KCNN3: variants seen among roughly 807,000 people sequenced by gnomAD.
KCNN3 encodes potassium calcium-activated channel subfamily N member 3, also known as small conductance calcium-activated potassium channel protein 3.
KCNN3 carries 16 observed loss-of-function variants against 62.9 expected under a neutral mutation model. The observed-to-expected ratio is 0.25, with a 90% CI of 0.17 to 0.39. The LOEUF is 0.39. Among genes scored for constraint, KCNN3 ranks in the 10% least tolerant of loss-of-function variants. The pLI is 1.00. For missense variants in KCNN3, 599 were observed against 949.4 expected (o/e 0.63, Z 4.85); for synonymous variants, 370 against 389.2 (o/e 0.95, Z 0.58).
intron 3 of KCNN3, among the ~76,000 whole-genome samples, chr1:154,767,085 C>T (rs1302815896): frequency 1.3e-5 from 2 of 152,056 alleles, no homozygotes; most frequent in East Asian, 3.9e-4. Flanking sequence ...CTTCCTGCTG[C>T]TGGCAAGTGC....
chr1:154,734,425 T>C (rs549249853), intron 3 of KCNN3, among the ~76,000 whole-genome samples: 19 of 152,298 alleles, frequency 1.2e-4, no homozygotes, highest in South Asian at 6.2e-4. Context: ...TCAGTTACCA[T>C]TGGGGCTTCC....
chr1:154,738,537 G>C (rs1055728812), intron 3 of KCNN3, among the ~76,000 whole-genome samples: 3 of 152,172 alleles, frequency 2.0e-5, no homozygotes, highest in African/African-American at 7.2e-5. Context: ...AAACCAAGGA[G>C]GAAGACAAGG....
chr1:154,753,383 A>G (rs10908433), intron 3 of KCNN3, among the ~76,000 whole-genome samples: 128,112 of 152,148 alleles, frequency 0.84, 54,233 homozygotes, highest in East Asian at 1. Flanking sequence ...TAGAACACCA[A>G]TCACAATTCC....
chr1:154,708,325 G>A, intron 7 of KCNN3, 53 bp from the exon 8 acceptor site: 1 of 1,576,536 alleles, frequency 6.3e-7, no homozygotes, highest in Non-Finnish European at 8.7e-7. Context: ...CATCACAGAG[G>A]AATCTGCAAT....
chr1:154,710,279 C>A (rs769425003), intron 7 of KCNN3, among the ~76,000 whole-genome samples: 2 of 152,138 alleles, frequency 1.3e-5, no homozygotes, highest in Admixed American at 6.5e-5. Context: ...GAGAACACAG[C>A]GTTATTGTCT....
chr1:154,757,010 C>T (rs796762485), intron 3 of KCNN3, among the ~76,000 whole-genome samples: 15 of 152,278 alleles, frequency 9.9e-5, no homozygotes, highest in African/African-American at 3.6e-4. Flanking sequence ...ACTTGGGATG[C>T]ATGGATGCAT....
At chr1:154,734,905 G>A (rs1700678428) in intron 3 of KCNN3, among the ~76,000 whole-genome samples, 1 of 152,196 alleles carries the variant, frequency 6.6e-6, no homozygotes, top group South Asian at 2.1e-4. Context: ...CAACATCAGA[G>A]AGGCAAAAGC....
chr1:154,868,934 C>G, intron 1 of KCNN3, 98 bp downstream of exon 1: 2 of 1,052,602 alleles, frequency 1.9e-6, no homozygotes, highest in Non-Finnish European at 2.8e-6. Flanking sequence ...CTCTCTCTCT[C>G]TCAATCTCTC....
chr1:154,752,850 C>T (rs1367003570), intron 3 of KCNN3, among the ~76,000 whole-genome samples: 1 of 152,100 alleles, frequency 6.6e-6, no homozygotes, highest in Non-Finnish European at 1.5e-5. Flanking sequence ...ACAAAGCATT[C>T]CTATGAGGAC....
At chr1:154,796,628 A>G (rs1649744211) in intron 2 of KCNN3, among the ~76,000 whole-genome samples, 1 of 152,244 alleles carries the variant, frequency 6.6e-6, no homozygotes, top group African/African-American at 2.4e-5. Flanking sequence ...GAGACAAGTC[A>G]TGATTCAACC....
chr1:154,809,664 A>C lies in KCNN3; in HGVS notation c.1029+12425T>G, dbSNP rs1458837401. On this transcript the variant is annotated intron_variant, in intron 2 of 7. Coordinates refer to ENST00000271915, the MANE Select transcript of KCNN3 (RefSeq NM_002249.6). This position sits in a 1 kb window ranked among gnomAD's most constrained non-coding sequence, Gnocchi z 4.3. Reference sequence around the variant, plus strand: ...TACATGTTGCTGAGTGAGATGCTAAAAGGCCTGGACAGACTAGAATGAAGG... The same window carrying C: ...TACATGTTGCTGAGTGAGATGCTAACAGGCCTGGACAGACTAGAATGAAGG... 6.6e-6 allele frequency among the ~76,000 whole-genome samples: 1 copy of C among 152,204 alleles called. No individual in the cohort carries two copies. Among genetic ancestry groups the C allele is most frequent in the Middle Eastern group, 3.2e-3 (1 of 314 alleles).
At chr1:154,719,812 T>C (rs1700309434) in intron 5 of KCNN3, among the ~76,000 whole-genome samples, 1 of 152,084 alleles carries the variant, frequency 6.6e-6, no homozygotes. Flanking sequence ...TTGCACCTCC[T>C]CTTTTTCCTC....
At chr1:154,853,385 G>A (rs1408139562) in intron 1 of KCNN3, among the ~76,000 whole-genome samples, 1 of 152,022 alleles carries the variant, frequency 6.6e-6, no homozygotes, top group Non-Finnish European at 1.5e-5. Flanking sequence ...CCCCAGGCTG[G>A]AGTGCAGTGG....
chr1:154,839,933 G>A (rs1651758979), intron 1 of KCNN3, among the ~76,000 whole-genome samples: 1 of 152,234 alleles, frequency 6.6e-6, no homozygotes. Context: ...GGGCAGAGAG[G>A]CCTGCAGAGC....
chr1:154,864,973 C>T (rs143002061), intron 1 of KCNN3, among the ~76,000 whole-genome samples: 14 of 152,270 alleles, frequency 9.2e-5, no homozygotes, highest in Admixed American at 2.6e-4. Flanking sequence ...CACAGCCCAA[C>T]GCCTGAGATC....
chr1:154,855,246 T>TAAAA (rs1409211670), intron 1 of KCNN3, among the ~76,000 whole-genome samples: 22 of 151,630 alleles, frequency 1.5e-4, no homozygotes, highest in African/African-American at 2.2e-4. Context: ...AATAAATAAA[T>TAAAA]AAAATTATAG....
intron 5 of KCNN3, among the ~76,000 whole-genome samples, chr1:154,725,332 G>A (rs1432637031): frequency 6.6e-6 from 1 of 152,086 alleles, no homozygotes; most frequent in African/African-American, 2.4e-5. Context: ...GGTATCATCA[G>A]GCAAAGGGGC....
At chr1:154,859,345 G>A (rs1652662415) in intron 1 of KCNN3, among the ~76,000 whole-genome samples, 1 of 152,252 alleles carries the variant, frequency 6.6e-6, no homozygotes, top group South Asian at 2.1e-4. Flanking sequence ...CAGGCAAAGG[G>A]GCTAGGAGGA....
chr1:154,819,177 G>T (rs1650790179), intron 2 of KCNN3, among the ~76,000 whole-genome samples: 1 of 152,190 alleles, frequency 6.6e-6, no homozygotes, highest in South Asian at 2.1e-4. Flanking sequence ...TCACACTTGG[G>T]ATAACTCCTT....
Sources: allele counts gnomAD v4.1 joint callset (sites outside exome capture counted in the v4.1 genomes callset), GRCh38; gene constraint gnomAD v4.1.1; non-coding constraint Gnocchi (gnomAD v3.1); transcripts MANE v1.5; gene names NCBI Gene and HGNC (gene_info 2026-07-23, HGNC 2026-07-21).